PTPRN2: variants seen among roughly 807,000 people sequenced by gnomAD.
The protein encoded by PTPRN2 is receptor-type tyrosine-protein phosphatase N2.
Under a neutral mutation model 118.8 loss-of-function variants are expected in PTPRN2, and 74 were observed. The ratio of observed to expected loss-of-function variants is 0.62; its 90% CI spans 0.52 to 0.76. The LOEUF is 0.76. Among genes scored for constraint, PTPRN2 ranks in the 30% least tolerant of loss-of-function variants. PTPRN2 has a pLI of 0.00. For synonymous variants in PTPRN2, 641 were observed against 608.0 expected (o/e 1.05, Z -0.80); for missense variants, 1,481 against 1,394.4 (o/e 1.06, Z -0.99).
At chr7:158,511,190 C>T (rs538180586) in intron 1 of PTPRN2, among the ~76,000 whole-genome samples, 1 of 152,274 alleles carries the variant, frequency 6.6e-6, no homozygotes, top group African/African-American at 2.4e-5. Flanking sequence ...ATGCTCTTAC[C>T]TTTTCCTTTC....
chr7:158,077,780 G>A (rs796933412), intron 11 of PTPRN2, among the ~76,000 whole-genome samples: 1 of 152,182 alleles, frequency 6.6e-6, no homozygotes, highest in South Asian at 2.1e-4. Context: ...TCTAAAGGAT[G>A]ATGAATTTCC....
At chr7:158,337,421 T>C (rs1439622428) in intron 2 of PTPRN2, among the ~76,000 whole-genome samples, 1 of 138,602 alleles carries the variant, frequency 7.2e-6, no homozygotes, top group African/African-American at 2.8e-5. Context: ...ACACCCACAC[T>C]CTCACCATAA....
At position 158,565,936 on chromosome 7, in the gene PTPRN2, C is replaced by T. The variant is rs1038240278; in HGVS notation, c.112+21622G>A. Among the ~76,000 whole-genome samples the T allele has an allele frequency of 2.0e-5, 3 of 152,204 alleles. No homozygotes were observed. The highest frequency in any genetic ancestry group is 4.4e-5 in the Non-Finnish European group (3 of 68,048). On this transcript the variant is annotated intron_variant, in intron 1 of 22. Transcript: ENST00000389418. This position sits in a 1 kb window ranked among gnomAD's most constrained non-coding sequence, Gnocchi z 4.6. Reference sequence around the variant, plus strand: ...AACACTGTCCTCTAAATATTTAGGACACCTATATTTTCCTTTGTGTCAGCC... The same window carrying T: ...AACACTGTCCTCTAAATATTTAGGATACCTATATTTTCCTTTGTGTCAGCC...
At chr7:158,474,149 C>T (rs1272922016) in intron 2 of PTPRN2, among the ~76,000 whole-genome samples, 1 of 152,174 alleles carries the variant, frequency 6.6e-6, no homozygotes, top group South Asian at 2.1e-4. Flanking sequence ...TGTCCCCTCA[C>T]AGCTGGTCAT....
chr7:158,045,259 T>C (rs1028807740), intron 11 of PTPRN2, among the ~76,000 whole-genome samples: 2 of 152,186 alleles, frequency 1.3e-5, no homozygotes, highest in East Asian at 1.9e-4. Flanking sequence ...AACAAATCCG[T>C]GAGGCTGAGC....
intron 12 of PTPRN2, among the ~76,000 whole-genome samples, chr7:157,685,213 GC>G (rs1200246419): frequency 6.6e-6 from 1 of 151,820 alleles, no homozygotes; most frequent in African/African-American, 2.4e-5. Context: ...CGGGCCGATG[GC>G]CCCCGCGCGC....
intron 4 of PTPRN2, among the ~76,000 whole-genome samples, chr7:158,202,469 G>A (rs1470209723): frequency 6.6e-6 from 1 of 152,160 alleles, no homozygotes; most frequent in Non-Finnish European, 1.5e-5. Flanking sequence ...TGGGCCTGGG[G>A]AAGAGCTGGG....
intron 21 of PTPRN2, among the ~76,000 whole-genome samples, chr7:157,565,768 A>G (rs925263171): frequency 3.3e-5 from 5 of 152,270 alleles, no homozygotes; most frequent in Non-Finnish European, 7.3e-5. Flanking sequence ...TCTTGCTTGA[A>G]AAAAACATGT....
rs867779656 is a variant in PTPRN2 at position 157,671,473 on chromosome 7, G to C, written c.2001+11252C>G. On this transcript the variant is annotated intron_variant, in intron 13 of 22. Coordinates refer to ENST00000389418, the MANE Select transcript of PTPRN2 (RefSeq NM_002847.5). The surrounding 1 kb of genome is among the most constrained non-coding windows in gnomAD (Gnocchi z 4.1). ...CTGAGATGGAAGCTCAGGGGACGGG[G>C]GTCTGCACAGGGCTGGACAGATGGG... Among the ~76,000 whole-genome samples, 3 of 152,172 alleles carry C rather than the reference G, an allele frequency of 2.0e-5. No individual in the cohort carries two copies. Among genetic ancestry groups the C allele is most frequent in the Non-Finnish European group, 4.4e-5 (3 of 68,028 alleles).
intron 2 of PTPRN2, among the ~76,000 whole-genome samples, chr7:158,442,315 C>T (rs189593560): frequency 1.3e-5 from 2 of 152,174 alleles, no homozygotes; most frequent in East Asian, 1.9e-4. Flanking sequence ...AGAAGCTGAG[C>T]CTGAGAACCC....
Position 158,411,455 on chromosome 7 carries a change from G to A in PTPRN2, c.163+78280C>T, listed in dbSNP as rs896950662. On this transcript the variant is annotated intron_variant, in intron 2 of 22. Transcript: ENST00000389418. The stretch of plus-strand genomic sequence containing the variant: ...TCCCCTGGGCCCTTGCACATGCCCG[G>A]CCACCACTCTCTGGTCCCCCCAGCA... 2.3e-4 allele frequency among the ~76,000 whole-genome samples: 35 copies of A among 152,102 alleles called. 1 individual carries two copies. Among genetic ancestry groups the A allele is most frequent in the African/African-American group, 8.5e-4 (35 of 41,410 alleles).
chr7:158,188,607 C>T (rs1371963033), intron 5 of PTPRN2, among the ~76,000 whole-genome samples: 2 of 121,906 alleles, frequency 1.6e-5, no homozygotes, highest in Non-Finnish European at 3.4e-5. Flanking sequence ...TGGGGAAGCC[C>T]GCCACGCTCG....
intron 12 of PTPRN2, among the ~76,000 whole-genome samples, chr7:157,815,031 T>A (rs1342453146): frequency 6.6e-6 from 1 of 152,228 alleles, no homozygotes; most frequent in Non-Finnish European, 1.5e-5. Context: ...GCCCTGCGTT[T>A]CTCTCCTCTG....
At chr7:157,767,539 C>T (rs1288182705) in intron 12 of PTPRN2, among the ~76,000 whole-genome samples, 3 of 152,250 alleles carry the variant, frequency 2.0e-5, no homozygotes, top group Non-Finnish European at 4.4e-5. Flanking sequence ...TAAGAATGCT[C>T]CTGCTCTCCC....
intron 13 of PTPRN2, among the ~76,000 whole-genome samples, chr7:157,658,334 G>A (rs1231979318): frequency 2.0e-5 from 3 of 152,190 alleles, no homozygotes; most frequent in African/African-American, 7.2e-5. Context: ...GGCAAATGGA[G>A]CCGTGCGGGA....
chr7:158,084,021 G>A (rs1813054280), intron 10 of PTPRN2, among the ~76,000 whole-genome samples: 1 of 150,434 alleles, frequency 6.6e-6, no homozygotes, highest in Admixed American at 6.6e-5. Flanking sequence ...TGGCCCTCCT[G>A]GGCCCTTCCG....
intron 6 of PTPRN2, among the ~76,000 whole-genome samples, chr7:158,164,409 C>T (rs541011461): frequency 2.7e-5 from 1 of 36,862 alleles, no homozygotes; most frequent in African/African-American, 6.1e-5. Context: ...CAGGAGCGCG[C>T]GCGTAGGAAG....
rs932391342 is a variant in PTPRN2, at chr7:158,264,064, G to C, written c.277+52755C>G. Among the ~76,000 whole-genome samples, 3 of 152,150 alleles carry C rather than the reference G, an allele frequency of 2.0e-5. No homozygotes were observed. The East Asian group carries it at 5.8e-4, about 29-fold the overall frequency. Reference sequence around the variant, plus strand: ...ATCTTCCAGTGCAGGACTTTGGAGCGGCAAACGGTTATTATTTAGAAGGAG... The same window carrying C: ...ATCTTCCAGTGCAGGACTTTGGAGCCGCAAACGGTTATTATTTAGAAGGAG... On this transcript the variant is annotated intron_variant, in intron 3 of 22. Coordinates refer to ENST00000389418, the MANE Select transcript of PTPRN2 (RefSeq NM_002847.5).
chr7:158,524,004 G>A (rs1365247004), intron 1 of PTPRN2, among the ~76,000 whole-genome samples: 4 of 93,004 alleles, frequency 4.3e-5, no homozygotes, highest in Non-Finnish European at 6.3e-5. Flanking sequence ...GAGTGGAGTC[G>A]TCTACCCTGG....
Sources: allele counts gnomAD v4.1 joint callset (sites outside exome capture counted in the v4.1 genomes callset), GRCh38; gene constraint gnomAD v4.1.1; non-coding constraint Gnocchi (gnomAD v3.1); transcripts MANE v1.5; gene names NCBI Gene and HGNC (gene_info 2026-07-23, HGNC 2026-07-21).